Variants in ADSL observed in about 807,000 individuals in gnomAD.
ADSL encodes adenylosuccinase.
In ADSL, 44 loss-of-function variants were observed where a neutral mutation model predicts 62.1. The observed-to-expected ratio is 0.71, with a 90% CI of 0.56 to 0.91. The LOEUF (loss-of-function observed/expected upper bound fraction) is 0.91, where lower values mean the gene tolerates loss of function less well. Among genes scored for constraint, ADSL ranks in the 40% least tolerant of loss-of-function variants. The probability of loss-of-function intolerance (pLI) is 0.00; values close to 1 mark genes in which losing one functional copy is unlikely to be tolerated. For synonymous variants in ADSL, 198 were observed against 220.5 expected (o/e 0.90, Z 0.90); for missense variants, 531 against 627.4 (o/e 0.85, Z 1.64).
intron 4 of ADSL, among the ~76,000 whole-genome samples, chr22:40,357,635 C>T (rs2044615640): frequency 6.6e-6 from 1 of 152,210 alleles, no homozygotes; most frequent in African/African-American, 2.4e-5. Context: ...TAGCTGTTCT[C>T]CATAGCATGA....
intron 12 of ADSL, among the ~76,000 whole-genome samples, chr22:40,365,659 C>T (rs1046940945): frequency 1.3e-5 from 2 of 151,918 alleles, no homozygotes; most frequent in Non-Finnish European, 2.9e-5. Flanking sequence ...TGCTTGAGCT[C>T]AGGAGTTCAA....
intron 2 of ADSL, among the ~76,000 whole-genome samples, chr22:40,384,760 GACAGAGCAAGACTCCACCTCA>G (rs2048164527): frequency 1.3e-5 from 2 of 152,088 alleles, no homozygotes; most frequent in Admixed American, 1.3e-4. Flanking sequence ...CAGCCTGGGC[GACAGAGCAAGACTCCACCTCA>G]AAAAAAAAGA....
At position 40,346,542 on chromosome 22, in the gene ADSL, G is replaced by T. The variant is rs1246336702; in HGVS notation, c.-17G>T. ...CTTCCCTGGTCCAGTCCACCCTGGCGGGGTCGCAGGGTTGGGATGGCGGCT... is the reference window on the plus strand; with the variant it reads ...CTTCCCTGGTCCAGTCCACCCTGGCTGGGTCGCAGGGTTGGGATGGCGGCT... On this transcript the variant is annotated 5_prime_UTR_variant, in exon 1 of 13. Transcript: ENST00000623063. 2.5e-6 allele frequency: 4 copies of T among 1,598,696 alleles called. No individual in the cohort carries two copies. The highest frequency in any genetic ancestry group is 2.3e-5 in the East Asian group (1 of 44,434).
chr22:40,352,964 A>AT, intron 2 of ADSL, 109 bp from the exon 3 acceptor site: 1 of 825,324 alleles, frequency 1.2e-6, no homozygotes, highest in South Asian at 1.4e-5. Flanking sequence ...GGTAGTGGTG[A>AT]TATAGGCTGG....
downstream of ADSL, among the ~76,000 whole-genome samples, chr22:40,372,200 C>T (rs1368833763): frequency 7.3e-6 from 1 of 137,702 alleles, no homozygotes; most frequent in Non-Finnish European, 1.5e-5. Context: ...GATCTCGGCT[C>T]ACTGCAAGCT....
At chr22:40,386,025 GT>G (rs68008146) in intron 2 of ADSL, among the ~76,000 whole-genome samples, 24,960 of 145,102 alleles carry the variant, frequency 0.17, 2,608 homozygotes, top group Admixed American at 0.35. Context: ...CTAATTTTTT[GT>G]TTTTTTTTTT....
chr22:40,346,858 G>A (rs1476860426), intron 1 of ADSL, 147 bp downstream of exon 1: 1 of 863,332 alleles, frequency 1.2e-6, no homozygotes, highest in Non-Finnish European at 1.7e-6. Flanking sequence ...AGGAGCTGCG[G>A]CCCCAGGAAA....
intron 2 of ADSL, chr22:40,351,914 A>G (rs963050656): frequency 6.6e-6 from 1 of 152,056 alleles, no homozygotes; most frequent in African/African-American, 2.4e-5. Context: ...CGGCCTCCCA[A>G]AGTGCTGGGA....
At chr22:40,356,262 C>T (rs1206501998) in intron 4 of ADSL, among the ~76,000 whole-genome samples, 9 of 149,464 alleles carry the variant, frequency 6.0e-5, no homozygotes, top group African/African-American at 1.7e-4. Flanking sequence ...GGCAGCCGGG[C>T]GCAGTGGATC....
At chr22:40,347,895 G>A (rs1192929663) in intron 1 of ADSL, among the ~76,000 whole-genome samples, 2 of 152,236 alleles carry the variant, frequency 1.3e-5, no homozygotes, top group Admixed American at 1.3e-4. Flanking sequence ...GGTTTGTGAT[G>A]TACTAGTGTG....
At chr22:40,361,396 TG>T (rs1185372557) in intron 8 of ADSL, 54 bp downstream of exon 8, 10 of 1,612,226 alleles carry the variant, frequency 6.2e-6, no homozygotes, top group African/African-American at 1.3e-5. Flanking sequence ...AGGCTGTGGA[TG>T]GGGGCTGAGA....
At chr22:40,353,799 T>G (rs1488667282) in intron 3 of ADSL, 1 of 266,256 alleles carries the variant, frequency 3.8e-6, no homozygotes, top group African/African-American at 2.3e-5. Flanking sequence ...CTATTTTTTT[T>G]GTATTTTTAG....
At chr22:40,377,180 A>G (rs1160264148) in intron 2 of ADSL, among the ~76,000 whole-genome samples, 1 of 152,204 alleles carries the variant, frequency 6.6e-6, no homozygotes, top group African/African-American at 2.4e-5. Context: ...TGCTTTGGAG[A>G]ACAGTTCATC....
At chr22:40,354,842 T>A (rs2044488429) in intron 4 of ADSL, among the ~76,000 whole-genome samples, 1 of 151,216 alleles carries the variant, frequency 6.6e-6, no homozygotes, top group African/African-American at 2.4e-5. Flanking sequence ...GCATTCCAGT[T>A]TGGGTGACAG....
intron 7 of ADSL, chr22:40,361,043 T>C: frequency 1.6e-6 from 1 of 612,034 alleles, no homozygotes; most frequent in Admixed American, 2.4e-5. Flanking sequence ...CCTTAAGCAG[T>C]GTTTCACAAA....
chr22:40,358,413 G>A (rs570195722), intron 4 of ADSL, among the ~76,000 whole-genome samples: 1 of 152,020 alleles, frequency 6.6e-6, no homozygotes, highest in East Asian at 1.9e-4. Context: ...GTGAGACCCC[G>A]TCACTACAAA....
At chr22:40,375,068 G>A (rs1306268381) in intron 2 of ADSL, among the ~76,000 whole-genome samples, 1 of 152,172 alleles carries the variant, frequency 6.6e-6, no homozygotes, top group African/African-American at 2.4e-5. Flanking sequence ...TACATGAGGA[G>A]AGATACATTC....
At chr22:40,359,566 C>A (rs1283799956) in intron 6 of ADSL, among the ~76,000 whole-genome samples, 1 of 139,842 alleles carries the variant, frequency 7.2e-6, no homozygotes, top group Non-Finnish European at 1.5e-5. Flanking sequence ...GAGACAGGGT[C>A]TTACTCTGTC....
rs2146683722 is a variant in ADSL at position 40,368,699 on chromosome 22, G to C, written c.*2177G>C. 1 of 152,404 alleles carries C rather than the reference G, an allele frequency of 6.6e-6. No individual in the cohort carries two copies. The highest frequency in any genetic ancestry group is 1.5e-5 in the Non-Finnish European group (1 of 68,110). The allele number at this position is 152,404 out of a possible 1,614,324, so 9.4% of individuals were successfully genotyped here. A position where few individuals can be genotyped will look rare whatever the true frequency, so the allele number is the denominator to read the frequency against. On this transcript the variant is annotated 3_prime_UTR_variant, in exon 13 of 13. Transcript: ENST00000623063. ...CCCAACACTTTGGGAGGCCGAGGCA[G>C]GTGGATCACCTGAGGTCAGGAGTTC...
Sources: gnomAD v4.1 joint callset for allele counts (sites outside exome capture counted in the v4.1 genomes callset) on GRCh38, gnomAD v4.1.1 for gene constraint, MANE v1.5 for transcripts, NCBI Gene and HGNC (gene_info 2026-07-23, HGNC 2026-07-21) for gene names.